The following TTC28 variants were observed in gnomAD, a reference collection of about 807,000 sequenced individuals.
The protein encoded by TTC28 is tetratricopeptide repeat domain 28.
Under a neutral mutation model 198.0 loss-of-function variants are expected in TTC28, and 61 were observed. The ratio of observed to expected loss-of-function variants is 0.31; its 90% CI spans 0.25 to 0.38. The LOEUF (loss-of-function observed/expected upper bound fraction) is 0.38. Among genes scored for constraint, TTC28 ranks in the 10% least tolerant of loss-of-function variants. The pLI, the probability that TTC28 is intolerant of heterozygous loss-of-function variation, is 1.00. For missense variants in TTC28, 2,678 were observed against 3,164.0 expected (o/e 0.85, Z 3.69); for synonymous variants, 1,171 against 1,297.8 (o/e 0.90, Z 2.10).
chr22:28,198,382 G>C (rs1050026253), intron 5 of TTC28, among the ~76,000 whole-genome samples: 6 of 151,986 alleles, frequency 3.9e-5, no homozygotes, highest in Non-Finnish European at 8.8e-5. Context: ...TACAAACAAA[G>C]TAATGAGAAA....
At chr22:28,523,513 G>C (rs1253189817) in intron 2 of TTC28, among the ~76,000 whole-genome samples, 1 of 152,146 alleles carries the variant, frequency 6.6e-6, no homozygotes, top group Admixed American at 6.5e-5. Flanking sequence ...TGCTCTCTCA[G>C]GCTTTCAAAG....
chr22:28,380,948 A>G (rs2046484489), intron 2 of TTC28, among the ~76,000 whole-genome samples: 1 of 152,104 alleles, frequency 6.6e-6, no homozygotes, highest in Admixed American at 6.5e-5. Flanking sequence ...TTTTACTTCT[A>G]GCATTTATTT....
chr22:28,393,971 T>G (rs958385768), intron 2 of TTC28, among the ~76,000 whole-genome samples: 8 of 152,188 alleles, frequency 5.3e-5, no homozygotes, highest in African/African-American at 1.7e-4. Flanking sequence ...ACTTCTTGGT[T>G]CAAGTAATCC....
chr22:28,473,007 C>T (rs1417356403), intron 2 of TTC28, among the ~76,000 whole-genome samples: 2 of 152,060 alleles, frequency 1.3e-5, no homozygotes, highest in African/African-American at 4.8e-5. Context: ...TTGTTCCTTC[C>T]TAAGGTAAGC....
intron 5 of TTC28, among the ~76,000 whole-genome samples, chr22:28,295,868 T>C (rs1007387888): frequency 1.3e-5 from 2 of 152,214 alleles, no homozygotes; most frequent in Non-Finnish European, 2.9e-5. Flanking sequence ...CTTTTTACAA[T>C]TTAATGAGTA....
At chr22:28,096,051 A>C (rs1941961103) in intron 11 of TTC28, 139 bp downstream of exon 11, 3 of 1,299,872 alleles carry the variant, frequency 2.3e-6, no homozygotes, top group Non-Finnish European at 3.0e-6. Context: ...CGGCATATCC[A>C]CTGCGGCTGA....
At position 28,108,001 on chromosome 22, in the gene TTC28, G is replaced by A. The variant is rs765115761; in HGVS notation, c.1844C>T (p.Pro615Leu). 6.4e-7 allele frequency: 1 copy of A among 1,551,580 alleles called. No individual in the cohort carries two copies. The highest frequency in any genetic ancestry group is 2.4e-5 in the East Asian group (1 of 40,902). The change falls in exon 7 of 23, where the codon CCC (proline) becomes CTC (leucine). Residue 615 changes from proline (P) to leucine (L), a missense_variant. Coordinates refer to ENST00000397906, the MANE Select transcript of TTC28 (RefSeq NM_001145418.2). ...CSRGEYVQAA[P>L]YYEQYLRLAP... ...AAGCCGGAGGTACTGTTCATAATAG[G>A]GGGCAGCCTGGACATACTCTCCCCG...
chr22:28,069,202 T>C (rs1186135616), intron 12 of TTC28, among the ~76,000 whole-genome samples: 3 of 152,236 alleles, frequency 2.0e-5, no homozygotes, highest in African/African-American at 7.2e-5. Flanking sequence ...GGAGGCATGT[T>C]GGCACTCTGT....
chr22:28,484,028 G>A lies in TTC28; in HGVS notation c.381+145524C>T, dbSNP rs138059487. On this transcript the variant is annotated intron_variant, in intron 2 of 22. Coordinates refer to ENST00000397906, the MANE Select transcript of TTC28 (RefSeq NM_001145418.2). ...TAAAGATTGATAAAAATAGCTTTTC[G>A]TCTTGCTCTCTGAAGGCTCTGCTAC... Among the ~76,000 whole-genome samples the A allele has an allele frequency of 1.2e-3, 188 of 152,180 alleles. 1 individual carries two copies. The highest frequency in any genetic ancestry group is 1.8e-3 in the Non-Finnish European group (124 of 67,996).
At chr22:28,541,912 T>C (rs2049420788) in intron 2 of TTC28, among the ~76,000 whole-genome samples, 1 of 151,802 alleles carries the variant, frequency 6.6e-6, no homozygotes, top group Non-Finnish European at 1.5e-5. Context: ...AAGACCCCCA[T>C]GTCTTAAAAA....
At chr22:28,143,208 C>A (rs1943383298) in intron 6 of TTC28, among the ~76,000 whole-genome samples, 1 of 151,942 alleles carries the variant, frequency 6.6e-6, no homozygotes, top group South Asian at 2.1e-4. Flanking sequence ...GGTAGGGGCT[C>A]AAAAATTACT....
chr22:28,228,758 G>A (rs1928564631), intron 5 of TTC28, among the ~76,000 whole-genome samples: 1 of 152,046 alleles, frequency 6.6e-6, no homozygotes, highest in South Asian at 2.1e-4. Context: ...CAAGATCTGA[G>A]GAAGGTCACT....
chr22:28,354,825 T>G (rs1052732146), intron 2 of TTC28, among the ~76,000 whole-genome samples: 15 of 149,838 alleles, frequency 1.0e-4, no homozygotes, highest in Non-Finnish European at 1.0e-4. Flanking sequence ...TAAAGAATAC[T>G]CTTTTTTTTT....
At chr22:28,318,073 ATTTTTTTT>A (rs35011623) in intron 2 of TTC28, among the ~76,000 whole-genome samples, 1 of 139,798 alleles carries the variant, frequency 7.2e-6, no homozygotes, top group Non-Finnish European at 1.6e-5. Context: ...CAGCTAATTA[ATTTTTTTT>A]TTTTTTTTTT....
At chr22:28,473,121 G>A (rs1413400866) in intron 2 of TTC28, among the ~76,000 whole-genome samples, 1 of 152,044 alleles carries the variant, frequency 6.6e-6, no homozygotes, top group Admixed American at 6.5e-5. Flanking sequence ...TTATAAACAC[G>A]AGGATTTCTT....
intron 2 of TTC28, among the ~76,000 whole-genome samples, chr22:28,386,424 C>G (rs535941552): frequency 1.3e-5 from 2 of 151,706 alleles, no homozygotes; most frequent in Non-Finnish European, 2.9e-5. Context: ...ACATCTTATT[C>G]AGCAATTAGT....
chr22:28,593,200 A>C (rs752685164), intron 2 of TTC28, among the ~76,000 whole-genome samples: 1 of 152,076 alleles, frequency 6.6e-6, no homozygotes, highest in Non-Finnish European at 1.5e-5. Flanking sequence ...AGAACACTGA[A>C]AGTCTTCAGT....
chr22:28,645,124 CAG>C (rs2051437663), intron 1 of TTC28, among the ~76,000 whole-genome samples: 1 of 150,698 alleles, frequency 6.6e-6, no homozygotes, highest in African/African-American at 2.4e-5. Context: ...GCCTGGGCGA[CAG>C]AGTGAGACTC....
At chr22:28,437,833 T>C (rs1343474202) in intron 2 of TTC28, among the ~76,000 whole-genome samples, 3 of 152,022 alleles carry the variant, frequency 2.0e-5, no homozygotes, top group African/African-American at 7.3e-5. Context: ...AAGTAATTAC[T>C]TGGAAGGATT....
Sources: gnomAD v4.1 joint callset for allele counts (sites outside exome capture counted in the v4.1 genomes callset) on GRCh38, gnomAD v4.1.1 for gene constraint, MANE v1.5 for transcripts, NCBI Gene and HGNC (gene_info 2026-07-23, HGNC 2026-07-21) for gene names.